Variants in KSR2 observed in about 807,000 individuals in gnomAD.
KSR2 encodes kinase suppressor of ras 2.
Under a neutral mutation model 107.8 loss-of-function variants are expected in KSR2, and 25 were observed. The observed-to-expected ratio is 0.23, with a 90% CI of 0.17 to 0.32. KSR2 has a LOEUF of 0.32. Ranked by LOEUF, KSR2 falls within the 10% of genes least tolerant of loss-of-function variation. KSR2 has a pLI of 1.00. For missense variants in KSR2, 887 were observed against 1,268.9 expected, an observed-to-expected ratio of 0.70 and a Z score of 4.57; for synonymous variants, 480 against 507.0, an observed-to-expected ratio of 0.95 and a Z score of 0.71.
At position 117,545,906 on chromosome 12, in the gene KSR2, T is replaced by G. The variant is rs551253622; in HGVS notation, c.1519-6019A>C. 2.0e-5 allele frequency among the ~76,000 whole-genome samples: 3 copies of G among 152,314 alleles called. No individual in the cohort carries two copies. In the South Asian group the frequency reaches 6.2e-4, roughly 32 times the overall value. ...AGTTTGAGTGAAGTTTTCCTTTATG[T>G]CCTTACCCTCCTCCTTTAATAATTG... On this transcript the variant is annotated intron_variant, in intron 9 of 19. Transcript: ENST00000339824.
At chr12:117,634,469 G>A (rs936972349) in intron 5 of KSR2, among the ~76,000 whole-genome samples, 22 of 152,084 alleles carry the variant, frequency 1.4e-4, no homozygotes, top group African/African-American at 5.3e-4. Context: ...TCAGTTGCCA[G>A]ACCAAAATTA....
intron 1 of KSR2, among the ~76,000 whole-genome samples, chr12:117,904,857 A>G (rs915938041): frequency 1.3e-5 from 2 of 152,142 alleles, no homozygotes; most frequent in African/African-American, 4.8e-5. Flanking sequence ...CACTGCTGTT[A>G]ATTTAAAATC....
intron 5 of KSR2, among the ~76,000 whole-genome samples, chr12:117,638,518 A>G (rs1240165623): frequency 1.0e-5 from 1 of 95,506 alleles, no homozygotes; most frequent in African/African-American, 5.1e-5. Context: ...TATTCAGGGA[A>G]AAAAAAAAAA....
chr12:117,783,402 C>T (rs1229020993), intron 3 of KSR2, among the ~76,000 whole-genome samples: 1 of 152,198 alleles, frequency 6.6e-6, no homozygotes, highest in African/African-American at 2.4e-5. Context: ...TCCTGATTCA[C>T]TTATCAGAGC....
chr12:117,864,950 G>A (rs1167939484), intron 1 of KSR2, among the ~76,000 whole-genome samples: 1 of 151,966 alleles, frequency 6.6e-6, no homozygotes, highest in East Asian at 1.9e-4. Flanking sequence ...ACGTTTGAAA[G>A]ACACCAAAAG....
At chr12:117,777,875 T>C (rs913971468) in intron 3 of KSR2, among the ~76,000 whole-genome samples, 4 of 151,754 alleles carry the variant, frequency 2.6e-5, no homozygotes, top group Non-Finnish European at 4.4e-5. Flanking sequence ...CTACTAAAAA[T>C]ATGAAAAATT....
At chr12:117,480,990 A>G (rs2137133724) in intron 16 of KSR2, among the ~76,000 whole-genome samples, 1 of 152,222 alleles carries the variant, frequency 6.6e-6, no homozygotes, top group African/African-American at 2.4e-5. Flanking sequence ...TGAGCCTCGG[A>G]GGTTGAAGCT....
At chr12:117,480,328 G>A (rs1036812430) in intron 16 of KSR2, among the ~76,000 whole-genome samples, 4 of 152,150 alleles carry the variant, frequency 2.6e-5, no homozygotes, top group South Asian at 2.1e-4. Context: ...CGCCTGGCAC[G>A]GGTGTGGTAG....
rs74419145 is a variant in KSR2 at position 117,468,626 on chromosome 12, C to T, written c.2846+1036G>A. On this transcript the variant is annotated intron_variant, in intron 19 of 19. Coordinates refer to ENST00000339824, the MANE Select transcript of KSR2 (RefSeq NM_173598.6). ...GACTGACAATGGCTATGGTACACCA[C>T]GCACACAGGTGGGAGTATCTGTATC... Among the ~76,000 whole-genome samples, 941 of 152,284 alleles carry T rather than the reference C, an allele frequency of 6.2e-3. 9 individuals are homozygous for T. Among genetic ancestry groups the T allele is most frequent in the African/African-American group, 0.02 (815 of 41,548 alleles).
At chr12:117,612,069 T>A (rs1016715674) in intron 5 of KSR2, among the ~76,000 whole-genome samples, 3 of 152,160 alleles carry the variant, frequency 2.0e-5, no homozygotes, top group Middle Eastern at 3.2e-3. Flanking sequence ...ACAATGTGAA[T>A]GTACTTGATG....
intron 9 of KSR2, among the ~76,000 whole-genome samples, chr12:117,540,124 G>A (rs1300129636): frequency 1.3e-5 from 2 of 152,044 alleles, no homozygotes; most frequent in Non-Finnish European, 2.9e-5. Context: ...GGACCCCAGA[G>A]TGAAAGGTGA....
chr12:117,633,092 C>T (rs1259348829), intron 5 of KSR2, among the ~76,000 whole-genome samples: 1 of 152,184 alleles, frequency 6.6e-6, no homozygotes, highest in African/African-American at 2.4e-5. Flanking sequence ...GGAGCATACC[C>T]CTTTTGCATG....
chr12:117,500,708 C>T lies in KSR2; in HGVS notation c.2220-15017G>A, dbSNP rs138348594. On this transcript the variant is annotated intron_variant, in intron 14 of 19. Coordinates refer to ENST00000339824, the MANE Select transcript of KSR2 (RefSeq NM_173598.6). ...AAGCCTTGTACTCATTCTACCCACA[C>T]AAGAGCCCTGAGGGGGAGCTTTTCA... 2.6e-5 allele frequency among the ~76,000 whole-genome samples: 4 copies of T among 152,344 alleles called. No individual in the cohort carries two copies. In the East Asian group the frequency reaches 7.7e-4, roughly 29 times the overall value.
intron 5 of KSR2, among the ~76,000 whole-genome samples, chr12:117,648,249 C>T (rs924159172): frequency 1.3e-5 from 2 of 152,058 alleles, no homozygotes; most frequent in Admixed American, 6.5e-5. Context: ...ACAATTTTTC[C>T]CTTTCCCATA....
chr12:117,658,146 C>T (rs1229983772), intron 5 of KSR2, among the ~76,000 whole-genome samples: 1 of 152,204 alleles, frequency 6.6e-6, no homozygotes, highest in Non-Finnish European at 1.5e-5. Context: ...AAAAATGAAG[C>T]TAGAGAGAGC....
In KSR2 at chr12:117,798,735, A is replaced by ATATCTC. The variant is rs10667993; in HGVS notation, c.473-37212_473-37211insGAGATA. On this transcript the variant is annotated intron_variant, in intron 3 of 19. Transcript: ENST00000339824. ...AAAAAAAAAAAATATATATATATAT[A>ATATCTC]TCAACCCAAAATAACTGAAAACAGA... Among the ~76,000 whole-genome samples, 550 of 142,506 alleles carry ATATCTC rather than the reference A, an allele frequency of 3.9e-3. 2 individuals carry two copies. The highest frequency in any genetic ancestry group is 5.5e-3 in the Non-Finnish European group (367 of 66,494). The allele number at this position is 142,506 out of a possible 152,430, so 93.5% of individuals were successfully genotyped here. A position where few individuals can be genotyped will look rare whatever the true frequency, so the allele number is the denominator to read the frequency against.
At chr12:117,711,214 T>C (rs1272935098) in intron 4 of KSR2, among the ~76,000 whole-genome samples, 2 of 152,206 alleles carry the variant, frequency 1.3e-5, no homozygotes, top group African/African-American at 4.8e-5. Flanking sequence ...TTAAAGTGCC[T>C]CACGTGCCAT....
chr12:117,641,621 T>G (rs1883362127), intron 5 of KSR2, among the ~76,000 whole-genome samples: 1 of 152,180 alleles, frequency 6.6e-6, no homozygotes, highest in South Asian at 2.1e-4. Flanking sequence ...TGACCTCACC[T>G]TAGCTTGCCT....
intron 1 of KSR2, among the ~76,000 whole-genome samples, chr12:117,938,589 CA>C (rs201839934): frequency 0.063 from 8,244 of 131,836 alleles, 503 homozygotes; most frequent in East Asian, 0.38. Flanking sequence ...TAAATAAAGG[CA>C]AAAAAAAAAA....
Sources: allele counts gnomAD v4.1 joint callset (sites outside exome capture counted in the v4.1 genomes callset), GRCh38; gene constraint gnomAD v4.1.1; transcripts MANE v1.5; gene names NCBI Gene and HGNC (gene_info 2026-07-23, HGNC 2026-07-21).